The following CTNNBL1 variants were observed in gnomAD, a reference collection of about 807,000 sequenced individuals.
The protein encoded by CTNNBL1 is beta-catenin-like protein 1.
Under a neutral mutation model 72.7 loss-of-function variants are expected in CTNNBL1, and 31 were observed. The ratio of observed to expected loss-of-function variants is 0.43; its 90% confidence interval spans 0.32 to 0.58. The LOEUF is 0.58. Ranked by LOEUF, CTNNBL1 falls within the 20% of genes least tolerant of loss-of-function variation. CTNNBL1 has a pLI of 0.08. For missense variants in CTNNBL1, 534 were observed against 725.1 expected, an observed-to-expected ratio of 0.74 and a Z score of 3.03; for synonymous variants, 240 against 267.3, an observed-to-expected ratio of 0.90 and a Z score of 1.00.
chr20:37,761,501 A>G (rs1008251577), intron 5 of CTNNBL1, among the ~76,000 whole-genome samples: 10 of 152,176 alleles, frequency 6.6e-5, no homozygotes, highest in Non-Finnish European at 1.2e-4. Context: ...ATTCCTTCCC[A>G]TTTCCATTCA....
chr20:37,854,002 T>G (rs1423632490), intron 13 of CTNNBL1, among the ~76,000 whole-genome samples: 2 of 152,266 alleles, frequency 1.3e-5, no homozygotes, highest in African/African-American at 4.8e-5. Context: ...GCATGTTCAA[T>G]GCAGCAATGA....
At chr20:37,850,415 T>C (rs1266489274) in intron 13 of CTNNBL1, among the ~76,000 whole-genome samples, 1 of 152,104 alleles carries the variant, frequency 6.6e-6, no homozygotes, top group East Asian at 1.9e-4. Context: ...TCATGATAGC[T>C]TTATTGTAGG....
chr20:37,863,201 C>T lies in CTNNBL1; in HGVS notation c.1603+2857C>T, dbSNP rs775106846. On this transcript the variant is annotated intron_variant, in intron 15 of 15. Coordinates refer to ENST00000361383, the MANE Select transcript of CTNNBL1 (RefSeq NM_030877.5). The stretch of plus-strand genomic sequence containing the variant: ...GTGCTATGGAGGTGTCACACGGCAG[C>T]TGCCCTCATGGAGTTTACAGCCTTC... 1.5e-3 allele frequency among the ~76,000 whole-genome samples: 221 copies of T among 152,172 alleles called. 3 individuals carry two copies. Among genetic ancestry groups the T allele is most frequent in the Non-Finnish European group, 4.4e-4 (30 of 68,028 alleles).
intron 4 of CTNNBL1, among the ~76,000 whole-genome samples, chr20:37,753,449 A>G (rs961715869): frequency 1.1e-4 from 17 of 152,228 alleles, no homozygotes; most frequent in Non-Finnish European, 2.4e-4. Context: ...TGAACATGGT[A>G]TAAGACTAAT....
chr20:37,802,334 G>T (rs905673663), intron 10 of CTNNBL1, among the ~76,000 whole-genome samples: 1 of 152,220 alleles, frequency 6.6e-6, no homozygotes, highest in African/African-American at 2.4e-5. Context: ...ATCAGTGGTT[G>T]CTTAGGGCCA....
intron 1 of CTNNBL1, among the ~76,000 whole-genome samples, chr20:37,728,808 A>G (rs1235599173): frequency 1.6e-4 from 24 of 152,206 alleles, no homozygotes. Flanking sequence ...CCATAGAGTC[A>G]TCATGAGGAG....
intron 4 of CTNNBL1, chr20:37,750,427 A>C (rs1358339983): frequency 6.6e-6 from 1 of 152,238 alleles, no homozygotes; most frequent in Non-Finnish European, 1.5e-5. Flanking sequence ...AATGCTTTTT[A>C]AACACTTTTT....
intron 11 of CTNNBL1, among the ~76,000 whole-genome samples, chr20:37,819,862 CTTT>C (rs2072090003): frequency 7.1e-6 from 1 of 141,056 alleles, no homozygotes; most frequent in African/African-American, 2.6e-5. Context: ...TTCATTTTAT[CTTT>C]TAATATCTTT....
At chr20:37,721,037 G>T (rs2073036295) in intron 1 of CTNNBL1, among the ~76,000 whole-genome samples, 1 of 152,222 alleles carries the variant, frequency 6.6e-6, no homozygotes, top group Non-Finnish European at 1.5e-5. Context: ...TCTAGCTGCA[G>T]TGAAGGGGGA....
chr20:37,862,783 C>T (rs916454876), intron 15 of CTNNBL1, among the ~76,000 whole-genome samples: 10 of 151,860 alleles, frequency 6.6e-5, no homozygotes, highest in Non-Finnish European at 1.2e-4. Context: ...CATTTCTCTC[C>T]CCATCACCCT....
chr20:37,718,240 A>ACC (rs1174864485), intron 1 of CTNNBL1, among the ~76,000 whole-genome samples: 15 of 101,948 alleles, frequency 1.5e-4, no homozygotes, highest in African/African-American at 5.4e-4. Context: ...CGGGGGGCTG[A>ACC]CCCCCCCACC....
intron 5 of CTNNBL1, among the ~76,000 whole-genome samples, chr20:37,759,064 T>C (rs1210774432): frequency 6.6e-6 from 1 of 152,234 alleles, no homozygotes; most frequent in Non-Finnish European, 1.5e-5. Flanking sequence ...GTGAGGCTAG[T>C]GTCCAGCAGG....
intron 4 of CTNNBL1, chr20:37,749,788 C>G (rs1173557818): frequency 2.0e-5 from 3 of 152,058 alleles, no homozygotes; most frequent in South Asian, 2.1e-4. Context: ...CTCTGTTGGT[C>G]GTAATGTTGC....
At chr20:37,842,784 G>A (rs1465638722) in intron 13 of CTNNBL1, among the ~76,000 whole-genome samples, 2 of 152,212 alleles carry the variant, frequency 1.3e-5, no homozygotes, top group Non-Finnish European at 2.9e-5. Flanking sequence ...AATCCTGAAG[G>A]AGGCATGCTG....
rs542251727 is a variant in CTNNBL1, at chr20:37,705,158, T to C, written c.30+11006T>C. Among the ~76,000 whole-genome samples, 4 of 152,356 alleles carry C rather than the reference T, an allele frequency of 2.6e-5. No homozygotes were observed. In the South Asian group the frequency reaches 8.3e-4, roughly 32 times the overall value. On this transcript the variant is annotated intron_variant, in intron 1 of 15. Coordinates refer to ENST00000361383, the MANE Select transcript of CTNNBL1 (RefSeq NM_030877.5). ...AACATGAACTCTGGGTCAGATGGCCTGCATTGGAATCTCAGCTCTGCTACT... is the reference window on the plus strand; with the variant it reads ...AACATGAACTCTGGGTCAGATGGCCCGCATTGGAATCTCAGCTCTGCTACT...
chr20:37,707,971 A>G (rs2072903403), intron 1 of CTNNBL1, among the ~76,000 whole-genome samples: 1 of 152,136 alleles, frequency 6.6e-6, no homozygotes, highest in Non-Finnish European at 1.5e-5. Context: ...TGGTTGAGGC[A>G]CTCAGAACAC....
chr20:37,840,255 C>A, intron 12 of CTNNBL1, 56 bp downstream of exon 12: 1 of 1,296,374 alleles, frequency 7.7e-7, no homozygotes, highest in South Asian at 1.2e-5. Flanking sequence ...AGGCTCTTTA[C>A]CTGATGTGAT....
rs548348967 is a variant in CTNNBL1 at position 37,827,633 on chromosome 20, C to T, written c.1214-12469C>T. On this transcript the variant is annotated intron_variant, in intron 11 of 15. Coordinates refer to ENST00000361383, the MANE Select transcript of CTNNBL1 (RefSeq NM_030877.5). ...CTTTCCAGAAGATCATTAACTCTTT[C>T]TGTTGTTGCTTGGGGAGAATTAACT... Among the ~76,000 whole-genome samples the T allele has an allele frequency of 4.6e-5, 7 of 152,186 alleles. No homozygotes were observed. The South Asian group carries it at 1.4e-3, about 31-fold the overall frequency.
chr20:37,805,030 C>T (rs535302990), intron 11 of CTNNBL1, among the ~76,000 whole-genome samples: 2 of 152,340 alleles, frequency 1.3e-5, no homozygotes, highest in South Asian at 4.1e-4. Flanking sequence ...GCACAGCCCT[C>T]CACTCCTGCC....
Sources: allele counts gnomAD v4.1 joint callset (sites outside exome capture counted in the v4.1 genomes callset), GRCh38; gene constraint gnomAD v4.1.1; transcripts MANE v1.5; gene names NCBI Gene and HGNC (gene_info 2026-07-23, HGNC 2026-07-21).